SYT16: variants seen among roughly 807,000 people sequenced by gnomAD.
SYT16 encodes synaptotagmin 16.
SYT16 carries 42 observed loss-of-function variants against 61.4 expected under a neutral mutation model. That is an observed-to-expected ratio of 0.68 (90% CI 0.53 to 0.89). SYT16 has a LOEUF of 0.89. Among genes scored for constraint, SYT16 ranks in the 40% least tolerant of loss-of-function variants. SYT16 has a pLI of 0.00. For missense variants in SYT16, 804 were observed against 807.3 expected, an observed-to-expected ratio of 1.00 and a Z score of 0.05; for synonymous variants, 314 against 302.3, an observed-to-expected ratio of 1.04 and a Z score of -0.40.
chr14:62,028,712 C>A (rs949082870), intron 3 of SYT16, among the ~76,000 whole-genome samples: 3 of 152,006 alleles, frequency 2.0e-5, no homozygotes, highest in African/African-American at 7.3e-5. Context: ...TTCTGAGAGA[C>A]CAAAGTCTTA....
chr14:61,894,903 T>C (rs747785271), intron 1 of SYT16, among the ~76,000 whole-genome samples: 4 of 152,170 alleles, frequency 2.6e-5, no homozygotes, highest in Non-Finnish European at 4.4e-5. Flanking sequence ...ACCAAAGAGA[T>C]GGGGTCATGG....
chr14:61,973,343 A>G (rs2051643524), intron 2 of SYT16, among the ~76,000 whole-genome samples: 2 of 152,204 alleles, frequency 1.3e-5, no homozygotes, highest in African/African-American at 4.8e-5. Context: ...TAATAATAAT[A>G]CAGATAATGA....
chr14:62,033,937 G>A (rs1303169530), intron 3 of SYT16, among the ~76,000 whole-genome samples: 1 of 151,932 alleles, frequency 6.6e-6, no homozygotes, highest in African/African-American at 2.4e-5. Flanking sequence ...AAGAATGAGG[G>A]AAAGCACTTG....
intron 1 of SYT16, among the ~76,000 whole-genome samples, chr14:61,863,200 C>T (rs1425302940): frequency 1.3e-5 from 2 of 152,130 alleles, no homozygotes; most frequent in African/African-American, 2.4e-5. Context: ...ACTTCCAAAC[C>T]GTCTTCCAAA....
chr14:61,985,941 G>C (rs2052288052), intron 2 of SYT16, among the ~76,000 whole-genome samples: 1 of 152,172 alleles, frequency 6.6e-6, no homozygotes, highest in African/African-American at 2.4e-5. Flanking sequence ...AATGGAGGTG[G>C]CTAAGGGGAG....
chr14:61,992,915 G>A (rs2052614495), intron 2 of SYT16, among the ~76,000 whole-genome samples: 2 of 152,060 alleles, frequency 1.3e-5, no homozygotes, highest in Admixed American at 1.3e-4. Flanking sequence ...TTAAGTAACA[G>A]GGAATCATAA....
intron 1 of SYT16, among the ~76,000 whole-genome samples, chr14:61,915,406 T>A (rs1190221114): frequency 6.6e-6 from 1 of 152,122 alleles, no homozygotes; most frequent in Non-Finnish European, 1.5e-5. Flanking sequence ...AGAAACATAA[T>A]ATAAAATTCC....
At chr14:61,892,211 GTC>G (rs1416529641) in intron 1 of SYT16, among the ~76,000 whole-genome samples, 1 of 151,268 alleles carries the variant, frequency 6.6e-6, no homozygotes, top group Non-Finnish European at 1.5e-5. Context: ...CTGACCCTCC[GTC>G]TCTCTGACTC....
intron 1 of SYT16, among the ~76,000 whole-genome samples, chr14:61,966,270 A>C (rs1037259522): frequency 1.3e-5 from 2 of 152,076 alleles, no homozygotes; most frequent in Admixed American, 6.6e-5. Context: ...CAATCTGTGA[A>C]TGTTTTTACA....
At chr14:62,084,853 T>C (rs2056833432) in intron 7 of SYT16, among the ~76,000 whole-genome samples, 1 of 152,218 alleles carries the variant, frequency 6.6e-6, no homozygotes, top group African/African-American at 2.4e-5. Context: ...AAAAAGATAT[T>C]AATAGTACCT....
chr14:61,992,480 T>G (rs1461053093), intron 2 of SYT16, among the ~76,000 whole-genome samples: 1 of 152,106 alleles, frequency 6.6e-6, no homozygotes, highest in Middle Eastern at 3.2e-3. Flanking sequence ...TCCAAGCTGG[T>G]TGATAAATAG....
chr14:61,824,341 G>A (rs1423405022), intron 1 of SYT16, among the ~76,000 whole-genome samples: 4 of 151,856 alleles, frequency 2.6e-5, no homozygotes, highest in African/African-American at 4.8e-5. Flanking sequence ...TATATAATAA[G>A]CATTTTATTT....
intron 3 of SYT16, among the ~76,000 whole-genome samples, chr14:62,002,051 A>C (rs2053039683): frequency 1.3e-5 from 2 of 152,006 alleles, no homozygotes; most frequent in East Asian, 1.9e-4. Flanking sequence ...CCAATATCTG[A>C]GTCATATTTG....
intron 3 of SYT16, among the ~76,000 whole-genome samples, chr14:62,019,833 A>G (rs1322320847): frequency 6.6e-6 from 1 of 152,208 alleles, no homozygotes; most frequent in East Asian, 1.9e-4. Flanking sequence ...TCCTGTGAAG[A>G]TGAGCTGCCC....
chr14:61,865,957 TTAC>T (rs2047138933), intron 1 of SYT16, among the ~76,000 whole-genome samples: 3 of 152,322 alleles, frequency 2.0e-5, no homozygotes, highest in South Asian at 4.1e-4. Context: ...TAGGATCAGT[TTAC>T]TGTTTACTTA....
chr14:62,088,604 A>T (rs2056965554), intron 7 of SYT16, among the ~76,000 whole-genome samples: 1 of 152,202 alleles, frequency 6.6e-6, no homozygotes, highest in Non-Finnish European at 1.5e-5. Context: ...TGTACATTTC[A>T]CTTTAGGTAA....
Position 62,084,331 on chromosome 14 carries a change from G to T in SYT16, c.1570G>T (p.Val524Leu). ...SYNATTGRLS[V>L]EMIKGSHFRN... ...CAATGCCACAACGGGGCGATTATCT[G>T]TGGAAATGATCAAAGGCAGCCATTT... The change falls in exon 7 of 8, where the codon GTG becomes TTG. Residue 524 changes from valine (V) to leucine (L), a missense_variant. Coordinates refer to ENST00000683842, the MANE Select transcript of SYT16 (RefSeq NM_001367656.1). 1 of 1,613,474 alleles carries T rather than the reference G, an allele frequency of 6.2e-7. No individual in the cohort carries two copies. Among genetic ancestry groups the T allele is most frequent in the Middle Eastern group, 1.7e-4 (1 of 5,776 alleles).
intron 2 of SYT16, among the ~76,000 whole-genome samples, chr14:61,993,058 A>G (rs527419868): frequency 6.6e-6 from 1 of 152,106 alleles, no homozygotes; most frequent in South Asian, 2.1e-4. Flanking sequence ...GATTATAGAA[A>G]CCAAGGGGAT....
intron 7 of SYT16, among the ~76,000 whole-genome samples, chr14:62,087,694 C>G (rs912472130): frequency 1.3e-5 from 2 of 152,200 alleles, no homozygotes; most frequent in Admixed American, 1.3e-4. Flanking sequence ...ACCAACCTGA[C>G]CCGGTTAGAT....
Sources: gnomAD v4.1 joint callset for allele counts (sites outside exome capture counted in the v4.1 genomes callset) on GRCh38, gnomAD v4.1.1 for gene constraint, MANE v1.5 for transcripts, NCBI Gene and HGNC (gene_info 2026-07-23, HGNC 2026-07-21) for gene names.